Variants in EXOC4 observed in about 807,000 individuals in gnomAD.
EXOC4 encodes the protein SEC8-like 1.
Under a neutral mutation model 107.2 loss-of-function variants are expected in EXOC4, and 71 were observed. That is an observed-to-expected ratio of 0.66 (90% confidence interval 0.55 to 0.81). EXOC4 has a LOEUF of 0.81. Among genes scored for constraint, EXOC4 ranks in the 30% least tolerant of loss-of-function variants. The pLI is 0.00. For synonymous variants in EXOC4, 456 were observed against 441.2 expected (o/e 1.03, Z -0.42); for missense variants, 1,108 against 1,189.6 (o/e 0.93, Z 1.01).
intron 7 of EXOC4, among the ~76,000 whole-genome samples, chr7:133,382,652 A>G (rs1049327714): frequency 2.0e-5 from 3 of 152,204 alleles, no homozygotes; most frequent in Non-Finnish European, 4.4e-5. Context: ...ATGATGGGAT[A>G]TTATGATGAA....
chr7:133,950,119 T>C (rs1443585446), intron 14 of EXOC4, among the ~76,000 whole-genome samples: 1 of 152,214 alleles, frequency 6.6e-6, no homozygotes, highest in East Asian at 1.9e-4. Context: ...AAGCCTGATG[T>C]AGTTAGAAGA....
chr7:133,457,825 T>G (rs1040322744), intron 7 of EXOC4, among the ~76,000 whole-genome samples: 16 of 152,326 alleles, frequency 1.1e-4, no homozygotes, highest in South Asian at 2.1e-4. Context: ...AAACCTTAGG[T>G]ATTTTGGTTA....
intron 13 of EXOC4, among the ~76,000 whole-genome samples, chr7:133,936,482 C>T (rs1022100716): frequency 2.0e-5 from 3 of 152,242 alleles, no homozygotes; most frequent in Admixed American, 6.5e-5. Flanking sequence ...TTAAATTAAG[C>T]CCTTGCTTCT....
rs949532693 is a variant in EXOC4 at position 133,904,128 on chromosome 7, A to G, written c.1871+8393A>G. On this transcript the variant is annotated intron_variant, in intron 12 of 17. Transcript: ENST00000253861. Reference sequence around the variant, plus strand: ...AACAGAGAAATGGCATAGTGGCTGGAGAAATGAGGTCACAGGAAGGTTTTT... The same window carrying G: ...AACAGAGAAATGGCATAGTGGCTGGGGAAATGAGGTCACAGGAAGGTTTTT... Among the ~76,000 whole-genome samples the G allele has an allele frequency of 9.8e-5, 15 of 152,322 alleles. No homozygotes were observed. In the South Asian group the frequency reaches 2.7e-3, roughly 27 times the overall value.
At chr7:133,858,117 G>A (rs1798457364) in intron 11 of EXOC4, among the ~76,000 whole-genome samples, 1 of 152,142 alleles carries the variant, frequency 6.6e-6, no homozygotes, top group East Asian at 1.9e-4. Flanking sequence ...CGCAGCTCAA[G>A]GAGCTGGCCA....
At chr7:133,676,660 C>A (rs975224555) in intron 10 of EXOC4, among the ~76,000 whole-genome samples, 2 of 152,020 alleles carry the variant, frequency 1.3e-5, no homozygotes, top group Non-Finnish European at 2.9e-5. Context: ...TTATCAGCTA[C>A]CACCCTATCC....
At chr7:133,914,729 T>C (rs1799767891) in intron 12 of EXOC4, among the ~76,000 whole-genome samples, 1 of 152,188 alleles carries the variant, frequency 6.6e-6, no homozygotes, top group South Asian at 2.1e-4. Context: ...AACAGTGATA[T>C]CTTGAAAATT....
At chr7:133,583,490 A>G (rs1040636147) in intron 9 of EXOC4, among the ~76,000 whole-genome samples, 1 of 152,194 alleles carries the variant, frequency 6.6e-6, no homozygotes, top group Non-Finnish European at 1.5e-5. Context: ...TGCAGGCAAG[A>G]TTTTGCAGGA....
At chr7:133,899,793 T>G (rs989408676) in intron 12 of EXOC4, among the ~76,000 whole-genome samples, 4 of 143,618 alleles carry the variant, frequency 2.8e-5, no homozygotes, top group African/African-American at 1.1e-4. Flanking sequence ...TTGCCAGAGC[T>G]GGAGTGCAGT....
intron 1 of EXOC4, chr7:133,254,050 ACACT>A (rs1179197493): frequency 1.4e-5 from 2 of 140,996 alleles, no homozygotes; most frequent in African/African-American, 6.4e-5. Flanking sequence ...TCATAAACAA[ACACT>A]CTATTTTTCC....
chr7:133,323,795 CT>C (rs1372143716), intron 5 of EXOC4, among the ~76,000 whole-genome samples: 1 of 152,150 alleles, frequency 6.6e-6, no homozygotes, highest in African/African-American at 2.4e-5. Flanking sequence ...GTACCAGCTC[CT>C]CCTTGTACCT....
At chr7:133,611,235 G>A (rs578235402) in intron 9 of EXOC4, among the ~76,000 whole-genome samples, 34 of 152,256 alleles carry the variant, frequency 2.2e-4, no homozygotes, top group African/African-American at 8.2e-4. Flanking sequence ...AGTGGCAGAG[G>A]TTTTGTCACT....
intron 14 of EXOC4, among the ~76,000 whole-genome samples, chr7:133,976,681 G>T (rs1793840635): frequency 6.6e-6 from 1 of 152,200 alleles, no homozygotes; most frequent in African/African-American, 2.4e-5. Flanking sequence ...TACCATGGAA[G>T]AAACACGGGC....
chr7:133,538,268 A>G (rs545193614), intron 9 of EXOC4, among the ~76,000 whole-genome samples: 2 of 152,320 alleles, frequency 1.3e-5, no homozygotes, highest in East Asian at 3.9e-4. Context: ...ATTATCGGTC[A>G]TCCTTCATGG....
At chr7:133,799,765 G>A (rs1796894278) in intron 10 of EXOC4, among the ~76,000 whole-genome samples, 1 of 152,178 alleles carries the variant, frequency 6.6e-6, no homozygotes, top group African/African-American at 2.4e-5. Flanking sequence ...GTGAAATATA[G>A]GGTGGGTAGT....
At chr7:133,852,424 C>T (rs779318510) in intron 11 of EXOC4, among the ~76,000 whole-genome samples, 1 of 152,118 alleles carries the variant, frequency 6.6e-6, no homozygotes, top group Non-Finnish European at 1.5e-5. Context: ...TTGAAAGAAT[C>T]CATTAAGCGA....
intron 9 of EXOC4, among the ~76,000 whole-genome samples, chr7:133,523,283 A>G (rs1260199275): frequency 1.3e-5 from 2 of 152,192 alleles, no homozygotes; most frequent in Non-Finnish European, 2.9e-5. Context: ...GGATTTAAGT[A>G]TATTAATGGT....
chr7:133,969,980 A>G (rs188042570), intron 14 of EXOC4, among the ~76,000 whole-genome samples: 74 of 152,234 alleles, frequency 4.9e-4, no homozygotes, highest in Non-Finnish European at 9.0e-4. Context: ...TCCCAGGGAG[A>G]TGGGAGTTTT....
chr7:133,813,276 A>G (rs1358771173), intron 10 of EXOC4, among the ~76,000 whole-genome samples: 1 of 152,200 alleles, frequency 6.6e-6, no homozygotes, highest in Non-Finnish European at 1.5e-5. Flanking sequence ...AGGCTAATTT[A>G]GAGTCTTCTG....
Sources: gnomAD v4.1 joint callset for allele counts (sites outside exome capture counted in the v4.1 genomes callset) on GRCh38, gnomAD v4.1.1 for gene constraint, MANE v1.5 for transcripts, NCBI Gene and HGNC (gene_info 2026-07-23, HGNC 2026-07-21) for gene names.